NUBPL: variants seen among roughly 807,000 people sequenced by gnomAD.
NUBPL encodes the protein iron-sulfur cluster transfer protein NUBPL.
NUBPL carries 31 observed loss-of-function variants against 45.7 expected under a neutral mutation model. That is an observed-to-expected ratio of 0.68 (90% CI 0.51 to 0.92). The LOEUF (loss-of-function observed/expected upper bound fraction) is 0.92, where lower values mean the gene tolerates loss of function less well. Among genes scored for constraint, NUBPL ranks in the 40% least tolerant of loss-of-function variants. The probability of loss-of-function intolerance (pLI) is 0.00; values close to 1 mark genes in which losing one functional copy is unlikely to be tolerated. For missense variants in NUBPL, 401 were observed against 398.7 expected, an observed-to-expected ratio of 1.01 and a Z score of -0.05; for synonymous variants, 144 against 140.9, an observed-to-expected ratio of 1.02 and a Z score of -0.15.
intron 6 of NUBPL, among the ~76,000 whole-genome samples, chr14:31,721,640 G>T (rs10143144): frequency 0.11 from 16,766 of 151,414 alleles, 2,530 homozygotes; most frequent in African/African-American, 0.35. Context: ...TTTTATTTTA[G>T]GTTCTGTGGT....
intron 3 of NUBPL, among the ~76,000 whole-genome samples, chr14:31,595,250 A>G (rs2139541294): frequency 6.6e-6 from 1 of 152,316 alleles, no homozygotes; most frequent in South Asian, 2.1e-4. Context: ...CCAAAAAACT[A>G]ATTGTTATCT....
intron 6 of NUBPL, among the ~76,000 whole-genome samples, chr14:31,691,096 A>G (rs1180974514): frequency 6.6e-6 from 1 of 152,028 alleles, no homozygotes; most frequent in African/African-American, 2.4e-5. Flanking sequence ...GTATTTCCAT[A>G]CACTAATACT....
intron 3 of NUBPL, chr14:31,577,852 G>A (rs1237232362): frequency 2.3e-6 from 1 of 442,470 alleles, no homozygotes; most frequent in Non-Finnish European, 3.0e-6. Flanking sequence ...TGGATTGGAT[G>A]TCACTTCCTC....
At chr14:31,775,202 A>G (rs960964321) in intron 6 of NUBPL, among the ~76,000 whole-genome samples, 4 of 152,058 alleles carry the variant, frequency 2.6e-5, no homozygotes, top group Non-Finnish European at 5.9e-5. Flanking sequence ...CGGATCACCT[A>G]AGGTCAGGAG....
chr14:31,832,167 G>A (rs1387284656), intron 8 of NUBPL, among the ~76,000 whole-genome samples: 1 of 152,180 alleles, frequency 6.6e-6, no homozygotes, highest in Admixed American at 6.5e-5. Flanking sequence ...GATAAGCAGA[G>A]TGGCCTTCTT....
intron 6 of NUBPL, among the ~76,000 whole-genome samples, chr14:31,688,658 G>C (rs111441455): frequency 8.5e-5 from 11 of 129,464 alleles, no homozygotes; most frequent in African/African-American, 1.9e-4. Context: ...TTTTGTTGTT[G>C]TTTTTTTTTT....
At chr14:31,616,977 GA>G (rs2034920081) in intron 4 of NUBPL, among the ~76,000 whole-genome samples, 1 of 152,074 alleles carries the variant, frequency 6.6e-6, no homozygotes, top group African/African-American at 2.4e-5. Context: ...TCTCCTTGAA[GA>G]GGTCCTTCAT....
chr14:31,694,513 C>CATTTATTTATTTATGATGTA (rs2037170809), intron 6 of NUBPL, among the ~76,000 whole-genome samples: 3 of 152,086 alleles, frequency 2.0e-5, no homozygotes, highest in African/African-American at 7.2e-5. Flanking sequence ...AACATACATA[C>CATTTATTTATTTATGATGTA]ATACATACAT....
intron 9 of NUBPL, among the ~76,000 whole-genome samples, chr14:31,849,473 A>G (rs1007446868): frequency 2.6e-5 from 4 of 152,192 alleles, no homozygotes; most frequent in Non-Finnish European, 4.4e-5. Flanking sequence ...ATGTGTCCTC[A>G]AGAAAACACA....
At chr14:31,806,616 T>C (rs1224736631) in intron 7 of NUBPL, among the ~76,000 whole-genome samples, 5 of 152,274 alleles carry the variant, frequency 3.3e-5, no homozygotes, top group African/African-American at 1.2e-4. Context: ...TTATTATTTT[T>C]TTGAAGGATT....
chr14:31,705,462 G>A (rs1286845707), intron 6 of NUBPL, among the ~76,000 whole-genome samples: 1 of 152,184 alleles, frequency 6.6e-6, no homozygotes. Flanking sequence ...CCATTTTATA[G>A]AGAGCTGATT....
intron 3 of NUBPL, among the ~76,000 whole-genome samples, chr14:31,585,242 A>C (rs2033965533): frequency 6.6e-6 from 1 of 152,202 alleles, no homozygotes; most frequent in Admixed American, 6.5e-5. Flanking sequence ...TGAACTTAAA[A>C]AAAATCACAA....
chr14:31,674,647 G>A (rs543173648), intron 6 of NUBPL, among the ~76,000 whole-genome samples: 2 of 152,072 alleles, frequency 1.3e-5, no homozygotes. Context: ...TACTATCAGA[G>A]AATATAGAAT....
chr14:31,661,701 C>T (rs553170582), intron 4 of NUBPL, among the ~76,000 whole-genome samples: 2 of 152,250 alleles, frequency 1.3e-5, no homozygotes, highest in African/African-American at 4.8e-5. Context: ...CCACCACACC[C>T]AGCTAATTTT....
At chr14:31,757,055 T>A (rs1003796245) in intron 6 of NUBPL, among the ~76,000 whole-genome samples, 12 of 152,078 alleles carry the variant, frequency 7.9e-5, no homozygotes, top group Non-Finnish European at 1.5e-4. Context: ...TGAAGCCCAC[T>A]TGATTATGGT....
chr14:31,773,059 A>G (rs143961375), intron 6 of NUBPL, among the ~76,000 whole-genome samples: 15 of 152,288 alleles, frequency 9.8e-5, no homozygotes. Context: ...TGTATATTGT[A>G]TCATTTATTT....
intron 7 of NUBPL, among the ~76,000 whole-genome samples, chr14:31,799,901 A>G (rs1378559668): frequency 1.3e-5 from 2 of 152,242 alleles, no homozygotes; most frequent in Admixed American, 6.5e-5. Flanking sequence ...GTTTGATAGC[A>G]TTTAACCCAT....
chr14:31,685,444 G>A (rs1212175435), intron 6 of NUBPL, among the ~76,000 whole-genome samples: 2 of 152,108 alleles, frequency 1.3e-5, no homozygotes, highest in African/African-American at 2.4e-5. Flanking sequence ...TTGGGGGCTG[G>A]GTGAGGGAAA....
intron 7 of NUBPL, among the ~76,000 whole-genome samples, chr14:31,816,620 T>C (rs1595672213): frequency 6.6e-6 from 1 of 152,154 alleles, no homozygotes; most frequent in East Asian, 1.9e-4. Flanking sequence ...AATTGTGATG[T>C]TAGGGTGTCG....
Sources: allele counts gnomAD v4.1 joint callset (sites outside exome capture counted in the v4.1 genomes callset), GRCh38; gene constraint gnomAD v4.1.1; transcripts MANE v1.5; gene names NCBI Gene and HGNC (gene_info 2026-07-23, HGNC 2026-07-21).